FBLN7: variants seen among roughly 807,000 people sequenced by gnomAD.
FBLN7 encodes the protein fibulin-7.
A neutral mutation model predicts 44.0 loss-of-function variants in FBLN7; 31 were observed. That is an observed-to-expected ratio of 0.70 (90% CI 0.53 to 0.95). The LOEUF (loss-of-function observed/expected upper bound fraction) is 0.95, where lower values mean the gene tolerates loss of function less well. Ranked by LOEUF, FBLN7 falls within the 40% of genes least tolerant of loss-of-function variation. The pLI, the probability that FBLN7 is intolerant of heterozygous loss-of-function variation, is 0.00. For missense variants in FBLN7, 573 were observed against 618.5 expected (o/e 0.93, Z 0.78); for synonymous variants, 262 against 253.4 (o/e 1.03, Z -0.32).
chr2:112,233,156 A>G, the FBLN7 span: 1 of 672,594 alleles, frequency 1.5e-6, no homozygotes, highest in South Asian at 2.2e-5. Context: ...CTTGGATAAT[A>G]TCATTTTGGT....
chr2:112,150,352 TC>T (rs1469618351), intron 1 of FBLN7, among the ~76,000 whole-genome samples: 1 of 151,350 alleles, frequency 6.6e-6, no homozygotes, highest in Non-Finnish European at 1.5e-5. Context: ...ACCACTGAGC[TC>T]CAAGACAGGG....
the FBLN7 span, among the ~76,000 whole-genome samples, chr2:112,225,615 G>A: frequency 7.2e-5 from 11 of 152,136 alleles, no homozygotes; most frequent in East Asian, 5.8e-4. Flanking sequence ...TCAGGAGTTC[G>A]AGACCAGCGT....
intron 3 of FBLN7, among the ~76,000 whole-genome samples, chr2:112,174,824 C>T (rs1430154454): frequency 6.6e-6 from 1 of 152,120 alleles, no homozygotes; most frequent in African/African-American, 2.4e-5. Context: ...ATTCTCCTGC[C>T]TCAGACTCCC....
chr2:112,165,099 CG>C lies in FBLN7; in HGVS notation c.336del (p.Leu113TrpfsTer40), dbSNP rs1682082628. On this transcript the variant is annotated frameshift_variant, in exon 3 of 8. Coordinates refer to ENST00000331203, the MANE Select transcript of FBLN7 (RefSeq NM_153214.3). LOFTEE classifies it high-confidence loss of function. ...EVHFTCNPGF[R>X]LVGPSSVVCL... ...CCATTTTACCTGCAACCCTGGGTTC[CG>C]GCTGGTCGGGCCCAGCAGCGTGGTG... The C allele has an allele frequency of 1.2e-6, 2 of 1,614,202 alleles. No homozygotes were observed. Among genetic ancestry groups the C allele is most frequent in the Non-Finnish European group, 1.7e-6 (2 of 1,180,042 alleles).
At chr2:112,192,136 G>A (rs12620553), downstream of FBLN7, among the ~76,000 whole-genome samples, 36,635 of 151,964 alleles carry the variant, frequency 0.24, 5,410 homozygotes, top group Middle Eastern at 0.41. Context: ...TTGTTTATTC[G>A]ACCAGTCACT....
chr2:112,235,613 C>CT, the FBLN7 span, among the ~76,000 whole-genome samples: 125 of 152,104 alleles, frequency 8.2e-4, 1 homozygote, highest in South Asian at 0.018. Context: ...ATGACCAAGC[C>CT]TAATAAAAAA....
At chr2:112,172,989 G>A (rs1464065721) in intron 3 of FBLN7, among the ~76,000 whole-genome samples, 1 of 152,126 alleles carries the variant, frequency 6.6e-6, no homozygotes, top group Non-Finnish European at 1.5e-5. Flanking sequence ...TGCCCCACAG[G>A]AACCTCCAAA....
the FBLN7 span, among the ~76,000 whole-genome samples, chr2:112,222,294 G>C: frequency 6.6e-6 from 1 of 152,108 alleles, no homozygotes; most frequent in South Asian, 2.1e-4. Context: ...GAGTAAACAC[G>C]GGGTTGCACC....
At chr2:112,198,254 C>T in the FBLN7 span, among the ~76,000 whole-genome samples, 2 of 152,126 alleles carry the variant, frequency 1.3e-5, no homozygotes, top group East Asian at 1.9e-4. Context: ...ACCTCATCTC[C>T]AAGGTGATGG....
chr2:112,242,741 C>A, the FBLN7 span, among the ~76,000 whole-genome samples: 1 of 152,188 alleles, frequency 6.6e-6, no homozygotes, highest in Non-Finnish European at 1.5e-5. Context: ...TCCCAACTCA[C>A]AAGAGAGTAA....
chr2:112,234,068 CAGAAAG>C, the FBLN7 span: 1 of 1,050,290 alleles, frequency 9.5e-7, no homozygotes. Flanking sequence ...GAGTATCAAA[CAGAAAG>C]AGCAGTTTTA....
chr2:112,158,627 C>T (rs1285379517), intron 1 of FBLN7, among the ~76,000 whole-genome samples: 5 of 152,014 alleles, frequency 3.3e-5, no homozygotes, highest in African/African-American at 1.2e-4. Context: ...GTAGTTGAGA[C>T]TGGGTTTCAC....
chr2:112,214,626 CTT>C, the FBLN7 span: 1 of 152,096 alleles, frequency 6.6e-6, no homozygotes, highest in Non-Finnish European at 1.5e-5. Flanking sequence ...ACGAATGGCT[CTT>C]GAGACGAATG....
chr2:112,209,394 G>A, the FBLN7 span, among the ~76,000 whole-genome samples: 3 of 152,080 alleles, frequency 2.0e-5, no homozygotes, highest in African/African-American at 7.2e-5. Context: ...AATTACCCTG[G>A]GAAAAACTCA....
chr2:112,160,678 AGACG>A lies in FBLN7; in HGVS notation c.235+844_235+847del, dbSNP rs1435696589. On this transcript the variant is annotated intron_variant, in intron 2 of 7. Transcript: ENST00000331203. ...CACACGCGCACGCACACGCACACGC[AGACG>A]CACGCACACGCACACACGCACGCAC... Among the ~76,000 whole-genome samples the A allele has an allele frequency of 1.5e-3, 221 of 145,960 alleles. 2 individuals carry two copies. Among genetic ancestry groups the A allele is most frequent in the African/African-American group, 5.4e-3 (213 of 39,216 alleles).
chr2:112,238,496 C>A, the FBLN7 span: 1 of 1,611,508 alleles, frequency 6.2e-7, no homozygotes, highest in Non-Finnish European at 8.5e-7. Flanking sequence ...TTCTATGCAG[C>A]GAACTTTTTG....
intron 3 of FBLN7, among the ~76,000 whole-genome samples, chr2:112,169,992 G>A (rs528696443): frequency 6.6e-6 from 1 of 152,302 alleles, no homozygotes; most frequent in Admixed American, 6.5e-5. Flanking sequence ...TGTAATCCTA[G>A]CACTTTGGGA....
the FBLN7 span, among the ~76,000 whole-genome samples, chr2:112,199,372 A>G: frequency 6.6e-6 from 1 of 152,206 alleles, no homozygotes; most frequent in Admixed American, 6.5e-5. Context: ...CAAGGCTGTC[A>G]GGGAGAACTG....
the FBLN7 span, chr2:112,236,679 A>AT: frequency 1.1e-5 from 17 of 1,610,742 alleles, no homozygotes; most frequent in Admixed American, 1.7e-5. Flanking sequence ...TAAGATTTTT[A>AT]TTTTTTTGTT....
Sources: allele counts gnomAD v4.1 joint callset (sites outside exome capture counted in the v4.1 genomes callset), GRCh38; gene constraint gnomAD v4.1.1; transcripts MANE v1.5; gene names NCBI Gene and HGNC (gene_info 2026-07-23, HGNC 2026-07-21).